The following TNRC6B variants were observed in gnomAD, a reference collection of about 807,000 sequenced individuals.
The protein encoded by TNRC6B is trinucleotide repeat-containing gene 6B protein.
Under a neutral mutation model 203.6 loss-of-function variants are expected in TNRC6B, and 52 were observed. That is an observed-to-expected ratio of 0.26 (90% CI 0.20 to 0.32). The LOEUF (loss-of-function observed/expected upper bound fraction) is 0.32. Ranked by LOEUF, TNRC6B falls within the 10% of genes least tolerant of loss-of-function variation. The pLI, the probability that TNRC6B is intolerant of heterozygous loss-of-function variation, is 1.00. For missense variants in TNRC6B, 1,923 were observed against 2,286.2 expected, an observed-to-expected ratio of 0.84 and a Z score of 3.24; for synonymous variants, 838 against 845.7, an observed-to-expected ratio of 0.99 and a Z score of 0.16.
chr22:40,211,305 C>T (rs181913655), intron 1 of TNRC6B, among the ~76,000 whole-genome samples: 1 of 152,242 alleles, frequency 6.6e-6, no homozygotes, highest in East Asian at 1.9e-4. Context: ...GTCTCTAACT[C>T]CTGGACTCAA....
At chr22:40,173,189 C>T (rs775578372), upstream of TNRC6B, among the ~76,000 whole-genome samples, 81 of 152,162 alleles carry the variant, frequency 5.3e-4, no homozygotes, top group Non-Finnish European at 9.0e-4. Context: ...CTCCACCTCG[C>T]GGATTCAAGC....
intron 3 of TNRC6B, among the ~76,000 whole-genome samples, chr22:40,141,007 G>A (rs34301841): frequency 0.072 from 10,907 of 151,922 alleles, 527 homozygotes; most frequent in Middle Eastern, 0.12. Flanking sequence ...TTGTCATGAG[G>A]AAAAAATTTT....
chr22:40,294,239 T>A (rs1191059638), intron 12 of TNRC6B, among the ~76,000 whole-genome samples: 1 of 151,838 alleles, frequency 6.6e-6, no homozygotes, highest in Non-Finnish European at 1.5e-5. Context: ...GACAATAGAG[T>A]GAGACCCTGT....
rs1314464050 is a variant in TNRC6B, at chr22:40,330,460, G to A, written c.*7219G>A. 6.6e-6 allele frequency: 1 copy of A among 152,114 alleles called. No individual in the cohort carries two copies. Among genetic ancestry groups the A allele is most frequent in the East Asian group, 1.9e-4 (1 of 5,196 alleles). 9.4% of individuals were successfully genotyped at this position (152,114 alleles called of 1,614,324 possible). ...CCCTACAGAAGAGCTTTACAGAGAG[G>A]AGGACAGTACATCCTATGTGTGTTC... On this transcript the variant is annotated 3_prime_UTR_variant, in exon 23 of 23. Transcript: ENST00000454349.
chr22:40,313,557 C>T (rs138101299), intron 19 of TNRC6B, among the ~76,000 whole-genome samples: 3 of 152,344 alleles, frequency 2.0e-5, no homozygotes, highest in Non-Finnish European at 2.9e-5. Flanking sequence ...ACTCACTGAG[C>T]ATAGTGCCTT....
At chr22:40,211,936 G>A (rs977976662) in intron 1 of TNRC6B, among the ~76,000 whole-genome samples, 3 of 152,046 alleles carry the variant, frequency 2.0e-5, no homozygotes, top group East Asian at 1.9e-4. Context: ...CTTTCCTTTC[G>A]TCTGTCTCTT....
chr22:40,073,678 C>G (rs2067975710), intron 1 of TNRC6B, among the ~76,000 whole-genome samples: 1 of 152,144 alleles, frequency 6.6e-6, no homozygotes, highest in South Asian at 2.1e-4. Context: ...CGTTGGGAGG[C>G]TGAGGCAGGT....
chr22:40,071,306 C>A (rs1280856877), intron 1 of TNRC6B, among the ~76,000 whole-genome samples: 1 of 152,186 alleles, frequency 6.6e-6, no homozygotes, highest in African/African-American at 2.4e-5. Flanking sequence ...TAGTTCCCCT[C>A]TTCTCCTCTC....
chr22:40,285,835 A>C (rs2070772902), intron 12 of TNRC6B, 65 bp downstream of exon 12: 3 of 1,573,566 alleles, frequency 1.9e-6, no homozygotes, highest in Admixed American at 1.9e-5. Context: ...CCAGTTGTTA[A>C]CTGATTTTTG....
At chr22:40,150,804 T>A (rs1343533223) in intron 3 of TNRC6B, among the ~76,000 whole-genome samples, 2 of 152,104 alleles carry the variant, frequency 1.3e-5, no homozygotes, top group Non-Finnish European at 1.5e-5. Context: ...TTGGGGTAAT[T>A]AAATAGCCCA....
chr22:40,275,318 A>G (rs554583933), intron 7 of TNRC6B, among the ~76,000 whole-genome samples: 11 of 152,338 alleles, frequency 7.2e-5, no homozygotes, highest in Non-Finnish European at 7.3e-5. Context: ...ATGAGACTAA[A>G]TTAACTGATT....
Position 40,245,251 on chromosome 22 carries a change from C to T in TNRC6B, c.6-764C>T, listed in dbSNP as rs556110937. On this transcript the variant is annotated intron_variant, in intron 1 of 22. Transcript: ENST00000454349. ...GACTACAGGAGCATGCCACCATGCC[C>T]GGCTAATTTTTGTATTTTTAGTAGA... 7.9e-5 allele frequency among the ~76,000 whole-genome samples: 12 copies of T among 151,870 alleles called. No homozygotes were observed. The South Asian group carries it at 1.0e-3, about 13-fold the overall frequency.
intron 1 of TNRC6B, among the ~76,000 whole-genome samples, chr22:40,230,315 G>T (rs2069851049): frequency 1.6e-5 from 2 of 126,940 alleles, no homozygotes; most frequent in Admixed American, 9.3e-5. Context: ...TTAAAGACAG[G>T]TTCTCACTCT....
intron 1 of TNRC6B, among the ~76,000 whole-genome samples, chr22:40,112,427 C>A (rs1165780049): frequency 3.3e-5 from 5 of 152,170 alleles, no homozygotes; most frequent in Admixed American, 2.6e-4. Context: ...CAGCTTTTCA[C>A]CGTCTCACCC....
intron 1 of TNRC6B, among the ~76,000 whole-genome samples, chr22:40,200,986 G>C (rs2069404944): frequency 6.6e-6 from 1 of 152,152 alleles, no homozygotes; most frequent in Non-Finnish European, 1.5e-5. Flanking sequence ...CTCCTTATCT[G>C]CAGGCTGGAG....
intron 3 of TNRC6B, among the ~76,000 whole-genome samples, chr22:40,150,992 T>C (rs1215378639): frequency 6.6e-6 from 1 of 152,180 alleles, no homozygotes; most frequent in African/African-American, 2.4e-5. Context: ...GGTCTCGCTC[T>C]TAAATATCAG....
At position 40,266,571 on chromosome 22, in the gene TNRC6B, G is replaced by A. The variant is rs1028085805; in HGVS notation, c.2341G>A (p.Gly781Arg). The A allele has an allele frequency of 1.6e-5, 26 of 1,613,388 alleles. No homozygotes were observed. The highest frequency in any genetic ancestry group is 2.0e-5 in the Non-Finnish European group (24 of 1,179,642). The change falls in exon 5 of 23, where the codon GGG (glycine) becomes AGG (arginine). Residue 781 changes from glycine (G) to arginine (R), a missense_variant. Physicochemically the swap from Gly to Arg is moderately radical, Grantham distance 125 (BLOSUM62 -2). Around this residue, in one of 8 missense-constraint regions of TNRC6B, gnomAD observed 599 missense variants for 656.5 expected, o/e 0.91. Transcript: ENST00000454349. Reference protein sequence around the residue: ...GWGEGGQNEIGTWGNGGNASL... With the variant: ...GWGEGGQNEIRTWGNGGNASL... The stretch of plus-strand genomic sequence containing the variant: ...GGGTGAAGGAGGGCAGAATGAAATC[G>A]GGACTTGGGGTAATGGTGGCAATGC...
intron 12 of TNRC6B, among the ~76,000 whole-genome samples, chr22:40,297,095 A>T (rs1318291806): frequency 6.6e-6 from 1 of 152,248 alleles, no homozygotes; most frequent in Non-Finnish European, 1.5e-5. Context: ...ACAAGTTTTC[A>T]TACATTCCCT....
chr22:40,071,471 G>A (rs1439228178), intron 1 of TNRC6B, among the ~76,000 whole-genome samples: 1 of 152,142 alleles, frequency 6.6e-6, no homozygotes, highest in Non-Finnish European at 1.5e-5. Flanking sequence ...CAGCGAATGT[G>A]GAAGCTTAAA....
Sources: gnomAD v4.1 joint callset for allele counts (sites outside exome capture counted in the v4.1 genomes callset) on GRCh38, gnomAD v4.1.1 for gene constraint, gnomAD v4.1.1 regional missense constraint, MANE v1.5 for transcripts, NCBI Gene and HGNC (gene_info 2026-07-23, HGNC 2026-07-21) for gene names.